HMCN1: variants seen among roughly 807,000 people sequenced by gnomAD.
HMCN1 encodes hemicentin 1.
HMCN1 carries 321 observed loss-of-function variants against 625.9 expected under a neutral mutation model. The observed-to-expected ratio is 0.51, with a 90% CI of 0.47 to 0.56. The LOEUF (loss-of-function observed/expected upper bound fraction) is 0.56, where lower values mean the gene tolerates loss of function less well. HMCN1 is among the 20% of genes least tolerant of loss of function. The probability of loss-of-function intolerance (pLI) is 0.00; values close to 1 mark genes in which losing one functional copy is unlikely to be tolerated. For synonymous variants in HMCN1, 2,425 were observed against 2,417.6 expected, an observed-to-expected ratio of 1.00 and a Z score of -0.09; for missense variants, 6,588 against 6,887.3, an observed-to-expected ratio of 0.96 and a Z score of 1.54.
chr1:185,771,418 T>A (rs1656233822), intron 1 of HMCN1, among the ~76,000 whole-genome samples: 1 of 152,196 alleles, frequency 6.6e-6, no homozygotes, highest in East Asian at 1.9e-4. Flanking sequence ...GCTCTAGGAA[T>A]GCACATATGT....
chr1:186,069,973 CT>C, intron 51 of HMCN1, among the ~76,000 whole-genome samples, 197 bp downstream of exon 51: 1 of 152,330 alleles, frequency 6.6e-6, no homozygotes, highest in African/African-American at 2.4e-5. Flanking sequence ...GAAGAGCCTA[CT>C]AAATCTGCTC....
intron 24 of HMCN1, among the ~76,000 whole-genome samples, chr1:185,997,047 T>C (rs1051495459): frequency 6.6e-6 from 1 of 151,794 alleles, no homozygotes; most frequent in Non-Finnish European, 1.5e-5. Context: ...GAAATAAGGG[T>C]TGGAAATAAG....
chr1:186,128,587 A>G (rs1212428954), intron 83 of HMCN1, among the ~76,000 whole-genome samples: 1 of 151,942 alleles, frequency 6.6e-6, no homozygotes, highest in Non-Finnish European at 1.5e-5. Flanking sequence ...TAGGCGCCTA[A>G]ACTTATCCCA....
intron 68 of HMCN1, among the ~76,000 whole-genome samples, chr1:186,101,060 G>T (rs1408903963): frequency 6.6e-6 from 1 of 152,034 alleles, no homozygotes; most frequent in African/African-American, 2.4e-5. Context: ...TGCTAAAGAG[G>T]CTAGGAAATG....
rs1179139372 is a variant in HMCN1 at position 186,068,025 on chromosome 1, G to A, written c.7879+18G>A. On this transcript the variant is annotated intron_variant, in intron 50 of 106. Transcript: ENST00000271588. ...TCTTCCAGGTAATTCATTTGCTTCA[G>A]ATGTCCAAGATGCATCTGCGTCATC... 8 of 1,596,506 alleles carry A rather than the reference G, an allele frequency of 5.0e-6. No individual in the cohort carries two copies. Among genetic ancestry groups the A allele is most frequent in the Non-Finnish European group, 6.9e-6 (8 of 1,164,250 alleles).
chr1:185,861,235 A>C (rs967337625), intron 2 of HMCN1, among the ~76,000 whole-genome samples: 3 of 152,178 alleles, frequency 2.0e-5, no homozygotes, highest in African/African-American at 7.2e-5. Flanking sequence ...TAACTGGACA[A>C]GGTTTATCAT....
Position 186,050,395 on chromosome 1 carries a change from G to A in HMCN1, c.6577+1556G>A, listed in dbSNP as rs182261717. On this transcript the variant is annotated intron_variant, in intron 42 of 106. Transcript: ENST00000271588. ...AAGGAATGTATACAGAAGAGTACGC[G>A]ATAGGATGGCTCTCAGGTGTACCAT... Among the ~76,000 whole-genome samples the A allele has an allele frequency of 8.6e-5, 13 of 151,946 alleles. No individual in the cohort carries two copies. The East Asian group carries it at 1.9e-3, about 23-fold the overall frequency.
At chr1:185,943,491 G>A (rs375280086) in intron 11 of HMCN1, among the ~76,000 whole-genome samples, 2 of 152,170 alleles carry the variant, frequency 1.3e-5, no homozygotes, top group Non-Finnish European at 2.9e-5. Context: ...TGGTATTAGA[G>A]TAGAGGGAAA....
At chr1:186,033,188 C>T (rs1445107882) in intron 36 of HMCN1, among the ~76,000 whole-genome samples, 2 of 151,958 alleles carry the variant, frequency 1.3e-5, no homozygotes. Context: ...AGTGAAGTAA[C>T]CCAGGAATGG....
chr1:186,106,996 C>G, intron 70 of HMCN1, 31 bp downstream of exon 70: 1 of 1,282,308 alleles, frequency 7.8e-7, no homozygotes, highest in Non-Finnish European at 1.1e-6. Flanking sequence ...TACAGTCTAT[C>G]ATACACACAC....
In HMCN1 at chr1:186,117,032, C is replaced by G. The variant is rs780819676; in HGVS notation, c.11600C>G (p.Ser3867Cys). 1 of 1,613,360 alleles carries G rather than the reference C, an allele frequency of 6.2e-7. No homozygotes were observed. The stretch of plus-strand genomic sequence containing the variant: ...GGTTCACTAGTAATTATTTCCCCTT[C>G]TGTGGATGACACTGCAACCTATGAA... ...SSGSLVIISP[S>C]VDDTATYECT... The change falls in exon 76 of 107, where the codon TCT (serine) becomes TGT (cysteine). Residue 3867 changes from serine (S) to cysteine (C), a missense_variant. By Grantham distance (112) the Ser-to-Cys change is moderately radical. Coordinates refer to ENST00000271588, the MANE Select transcript of HMCN1 (RefSeq NM_031935.3).
chr1:186,072,534 A>G (rs1183785859), intron 52 of HMCN1, among the ~76,000 whole-genome samples: 1 of 152,178 alleles, frequency 6.6e-6, no homozygotes, highest in East Asian at 1.9e-4. Context: ...AACCAAACCA[A>G]TAAGACATAA....
At chr1:186,062,621 C>T (rs747726364) in intron 48 of HMCN1, 21 bp downstream of exon 48, 2 of 1,521,596 alleles carry the variant, frequency 1.3e-6, no homozygotes, top group Admixed American at 3.3e-5. Flanking sequence ...AGCTCTCAGA[C>T]TTTTGGTGCT....
chr1:185,997,550 A>G (rs1652886120), intron 25 of HMCN1, 26 bp downstream of exon 25: 1 of 1,449,758 alleles, frequency 6.9e-7, no homozygotes, highest in Non-Finnish European at 9.7e-7. Context: ...AGATATAGGC[A>G]TTGGCATAAT....
chr1:186,178,612 C>G lies in HMCN1; in HGVS notation c.16140C>G (p.Asn5380Lys). ...TTGCACGGTTCTCCCCTGTGAGAAA[C>G]AACTATCAACCTCAACAGCATTACA... The part of the protein sequence containing the change: ...YNLARFSPVR[N>K]NYQPQQHYRQ... Residue 5380 changes from asparagine to lysine, a missense_variant, in exon 104 of 107, where the codon AAC becomes AAG. Asn to Lys is a moderately conservative substitution (Grantham distance 94, BLOSUM62 0). Around this residue, in one of 3 missense-constraint regions of HMCN1, gnomAD observed 1,954 missense variants for 2,013.1 expected, o/e 0.97. Coordinates refer to ENST00000271588, the MANE Select transcript of HMCN1 (RefSeq NM_031935.3). 6.2e-7 allele frequency: 1 copy of G among 1,614,128 alleles called. No individual in the cohort carries two copies. Among genetic ancestry groups the G allele is most frequent in the Non-Finnish European group, 8.5e-7 (1 of 1,180,006 alleles).
intron 1 of HMCN1, among the ~76,000 whole-genome samples, chr1:185,750,539 G>T (rs1018082277): frequency 1.3e-5 from 2 of 152,010 alleles, no homozygotes; most frequent in African/African-American, 4.8e-5. Flanking sequence ...GTAGTGAATT[G>T]TTCATTTTAT....
In HMCN1 at chr1:186,119,196, A is replaced by G; in HGVS notation, c.11854A>G (p.Ile3952Val). ...ACATTTTTTTTCATTTTTAGGAGCA[A>G]TTGAAATACTTGCCACCCAATTAAA... ...DGYRILSSGA[I>V]EILATQLNHA... is the part of the protein sequence containing the mutation. The change falls in exon 78 of 107, where the codon ATT becomes GTT. Residue 3952 changes from isoleucine (I) to valine (V), a missense_variant. Ile to Val is a conservative substitution (Grantham distance 29). This residue lies in a region of HMCN1 where 4,628 missense variants were observed against 4,853.1 expected (regional missense o/e 0.95). Coordinates refer to ENST00000271588, the MANE Select transcript of HMCN1 (RefSeq NM_031935.3). 1 of 1,612,884 alleles carries G rather than the reference A, an allele frequency of 6.2e-7. No homozygotes were observed. Among genetic ancestry groups the G allele is most frequent in the Non-Finnish European group, 8.5e-7 (1 of 1,178,906 alleles).
chr1:186,067,714 A>T (rs1001367507), intron 49 of HMCN1, 120 bp from the exon 50 acceptor site: 10 of 670,156 alleles, frequency 1.5e-5, no homozygotes, highest in Non-Finnish European at 2.5e-5. Context: ...AATAATAATA[A>T]TTTGTTTTCT....
chr1:185,781,460 T>C (rs1383807991), intron 1 of HMCN1, among the ~76,000 whole-genome samples: 1 of 152,266 alleles, frequency 6.6e-6, no homozygotes, highest in Non-Finnish European at 1.5e-5. Flanking sequence ...TTTTAGATCT[T>C]TCCTGCTTTC....
Sources: allele counts gnomAD v4.1 joint callset (sites outside exome capture counted in the v4.1 genomes callset), GRCh38; gene constraint gnomAD v4.1.1; regional missense constraint gnomAD v4.1.1; transcripts MANE v1.5; gene names NCBI Gene and HGNC (gene_info 2026-07-23, HGNC 2026-07-21).